Variants in NPAS2 observed in about 807,000 individuals in gnomAD.
NPAS2 encodes neuronal PAS domain-containing protein 2.
NPAS2 carries 23 observed loss-of-function variants against 107.5 expected under a neutral mutation model. The observed-to-expected ratio is 0.21, with a 90% CI of 0.15 to 0.30. NPAS2 has a LOEUF of 0.30. Ranked by LOEUF, NPAS2 falls within the 10% of genes least tolerant of loss-of-function variation. The probability of loss-of-function intolerance (pLI) is 1.00; values close to 1 mark genes in which losing one functional copy is unlikely to be tolerated. For synonymous variants in NPAS2, 403 were observed against 417.5 expected (o/e 0.97, Z 0.42); for missense variants, 756 against 1,043.3 (o/e 0.72, Z 3.79).
At chr2:100,875,844 C>T (rs189210940) in intron 1 of NPAS2, among the ~76,000 whole-genome samples, 46 of 151,538 alleles carry the variant, frequency 3.0e-4, no homozygotes, top group South Asian at 2.3e-3. Flanking sequence ...AAAGGGGAGA[C>T]GGATGAGGAA....
At chr2:100,864,452 A>T (rs1679131872) in intron 1 of NPAS2, among the ~76,000 whole-genome samples, 1 of 152,206 alleles carries the variant, frequency 6.6e-6, no homozygotes, top group South Asian at 2.1e-4. Flanking sequence ...TTCAGCATTA[A>T]GTTTCCATAC....
intron 1 of NPAS2, among the ~76,000 whole-genome samples, chr2:100,859,186 C>G (rs968696661): frequency 6.6e-6 from 1 of 152,172 alleles, no homozygotes; most frequent in Non-Finnish European, 1.5e-5. Flanking sequence ...TCGCCTGAAC[C>G]CGAGAGGCGG....
chr2:100,965,523 A>T lies in NPAS2; in HGVS notation c.801-137A>T, dbSNP rs1676163552. On this transcript the variant is annotated intron_variant, in intron 9 of 20. Coordinates refer to ENST00000335681, the MANE Select transcript of NPAS2 (RefSeq NM_002518.4). The surrounding 1 kb of genome is among the most constrained non-coding windows in gnomAD (Gnocchi z 4.3). Reference sequence around the variant, plus strand: ...AAACACAGCCTCTCTGATTTTGACCATTACAAAGTTATTTTTCTCCCCTTG... The same window carrying T: ...AAACACAGCCTCTCTGATTTTGACCTTTACAAAGTTATTTTTCTCCCCTTG... The T allele has an allele frequency of 4.2e-5, 25 of 592,928 alleles. No homozygotes were observed. The South Asian group carries it at 5.5e-4, about 13-fold the overall frequency. The allele number at this position is 592,928 out of a possible 1,614,324, so 36.7% of individuals were successfully genotyped here.
Position 100,968,172 on chromosome 2 carries a change from G to A in NPAS2, c.908-109G>A, listed in dbSNP as rs1676341185. On this transcript the variant is annotated intron_variant, in intron 10 of 20. Coordinates refer to ENST00000335681, the MANE Select transcript of NPAS2 (RefSeq NM_002518.4). This position sits in a 1 kb window ranked among gnomAD's most constrained non-coding sequence, Gnocchi z 5.3. Reference sequence around the variant, plus strand: ...CAGGGCAACCGGGGAAACAAGCCATGTTTGGTATTGTCTTTTTTTTTGAAA... The same window carrying A: ...CAGGGCAACCGGGGAAACAAGCCATATTTGGTATTGTCTTTTTTTTTGAAA... 1 of 1,190,470 alleles carries A rather than the reference G, an allele frequency of 8.4e-7. No homozygotes were observed. The highest frequency in any genetic ancestry group is 2.0e-5 in the Admixed American group (1 of 50,484). The allele number at this position is 1,190,470 out of a possible 1,614,324, so 73.7% of individuals were successfully genotyped here.
intron 1 of NPAS2, among the ~76,000 whole-genome samples, chr2:100,855,702 C>T (rs1449205050): frequency 6.6e-6 from 1 of 152,206 alleles, no homozygotes; most frequent in East Asian, 1.9e-4. Context: ...CAAGTTGTGA[C>T]AGCCCCTAGT....
Position 100,982,365 on chromosome 2 carries a change from C to G in NPAS2, c.1617C>G (p.Asp539Glu). The change falls in exon 16 of 21, where the codon GAC becomes GAG. Residue 539 changes from aspartate (D) to glutamate (E), a missense_variant. Coordinates refer to ENST00000335681, the MANE Select transcript of NPAS2 (RefSeq NM_002518.4). ...AGGAGCAGCTCTGCCTGGTCCAGGA[C>G]TCCAACGTCCAGGTGATCCCCTTCC... Reference protein sequence around the residue: ...KIQEQLCLVQDSNVQMFLQQP... With the variant: ...KIQEQLCLVQESNVQMFLQQP... The G allele has an allele frequency of 6.2e-7, 1 of 1,614,048 alleles. No individual in the cohort carries two copies. The highest frequency in any genetic ancestry group is 8.5e-7 in the Non-Finnish European group (1 of 1,180,028).
In NPAS2 at chr2:100,820,594, C is replaced by T. The variant is rs1334950998; in HGVS notation, c.-23+180C>T. On this transcript the variant is annotated intron_variant, in intron 1 of 20. Coordinates refer to ENST00000335681, the MANE Select transcript of NPAS2 (RefSeq NM_002518.4). This position sits in a 1 kb window ranked among gnomAD's most constrained non-coding sequence, Gnocchi z 5.6. ...GCGGGGGCGCGGAGAGGTGGGTTCCCCTCCACAGTCAGGCCGCTGGGGGCT... is the reference window on the plus strand; with the variant it reads ...GCGGGGGCGCGGAGAGGTGGGTTCCTCTCCACAGTCAGGCCGCTGGGGGCT... Among the ~76,000 whole-genome samples the T allele has an allele frequency of 6.6e-6, 1 of 152,026 alleles. No homozygotes were observed. Among genetic ancestry groups the T allele is most frequent in the African/African-American group, 2.4e-5 (1 of 41,444 alleles).
intron 2 of NPAS2, 50 bp downstream of exon 2, chr2:100,904,836 G>C (rs113711656): frequency 4.3e-6 from 6 of 1,405,094 alleles, no homozygotes; most frequent in Non-Finnish European, 6.0e-6. Flanking sequence ...GCCCCCGGGG[G>C]TCTGCCTGGC....
chr2:100,858,315 T>C (rs1403494975), intron 1 of NPAS2, among the ~76,000 whole-genome samples: 1 of 152,220 alleles, frequency 6.6e-6, no homozygotes, highest in Non-Finnish European at 1.5e-5. Context: ...GTGGTGATAA[T>C]GGTTAGACTG....
intron 7 of NPAS2, among the ~76,000 whole-genome samples, chr2:100,957,789 G>A (rs376618155): frequency 1.3e-5 from 2 of 152,312 alleles, no homozygotes; most frequent in South Asian, 2.1e-4. Flanking sequence ...TTAGCCGGGC[G>A]CGATGGCAGG....
intron 1 of NPAS2, among the ~76,000 whole-genome samples, chr2:100,832,136 T>C (rs1325406211): frequency 6.6e-6 from 1 of 152,156 alleles, no homozygotes; most frequent in Non-Finnish European, 1.5e-5. Context: ...CTGAATCCCC[T>C]GCACCTCATG....
rs182560298 is a variant in NPAS2 at position 100,836,038 on chromosome 2, C to T, written c.-23+15624C>T. On this transcript the variant is annotated intron_variant, in intron 1 of 20. Coordinates refer to ENST00000335681, the MANE Select transcript of NPAS2 (RefSeq NM_002518.4). ...TTCACTTAACTGATTAAGGGCAGTT[C>T]AGAGCATCCTAACCCCACTCCCGCC... Among the ~76,000 whole-genome samples the T allele has an allele frequency of 5.5e-3, 841 of 152,256 alleles. 7 individuals carry two copies. The highest frequency in any genetic ancestry group is 0.012 in the South Asian group (60 of 4,818).
rs760794820 is a variant in NPAS2, at chr2:100,993,385, C to G, written c.2150C>G (p.Ala717Gly). The G allele has an allele frequency of 1.2e-6, 2 of 1,608,576 alleles. No individual in the cohort carries two copies. The highest frequency in any genetic ancestry group is 1.7e-5 in the Admixed American group (1 of 59,614). ...CAGACCGTGTTTCAAAATCCAGACG[C>G]ACACCCCGCCAACAGCAGCAGCGCC... ...QSQTVFQNPD[A>G]HPANSSSAPM... The change falls in exon 20 of 21, where the codon GCA (alanine) becomes GGA (glycine). Residue 717 changes from alanine to glycine, a missense_variant. Coordinates refer to ENST00000335681, the MANE Select transcript of NPAS2 (RefSeq NM_002518.4).
intron 1 of NPAS2, among the ~76,000 whole-genome samples, chr2:100,827,615 A>G (rs1324399538): frequency 6.6e-6 from 1 of 152,168 alleles, no homozygotes; most frequent in Non-Finnish European, 1.5e-5. Flanking sequence ...TTTAGCTACC[A>G]CTTATAAGTG....
At chr2:100,928,081 C>T (rs1683697332) in intron 3 of NPAS2, among the ~76,000 whole-genome samples, 1 of 152,082 alleles carries the variant, frequency 6.6e-6, no homozygotes, top group African/African-American at 2.4e-5. Flanking sequence ...CATTATACTT[C>T]TTAGTCTTTT....
Position 100,968,397 on chromosome 2 carries a change from G to A in NPAS2, c.1024G>A (p.Glu342Lys). The change falls in exon 11 of 21, where the codon GAG (glutamate) becomes AAG (lysine). Residue 342 changes from glutamate to lysine, a missense_variant. By Grantham distance (56) the Glu-to-Lys change is moderately conservative. This residue lies in a region of NPAS2 where 84 missense variants were observed against 175.5 expected (regional missense o/e 0.48). Coordinates refer to ENST00000335681, the MANE Select transcript of NPAS2 (RefSeq NM_002518.4). The surrounding 1 kb of genome is among the most constrained non-coding windows in gnomAD (Gnocchi z 5.3). ...ITYHQWNSKP[E>K]FIVCTHSVVS... ...CTACCATCAGTGGAACTCCAAGCCCGAGTTCATCGTGTGCACACACTCGGT... is the reference window on the plus strand; with the variant it reads ...CTACCATCAGTGGAACTCCAAGCCCAAGTTCATCGTGTGCACACACTCGGT... 1 of 1,614,128 alleles carries A rather than the reference G, an allele frequency of 6.2e-7. No individual in the cohort carries two copies.
At chr2:100,916,549 C>T (rs1682891751) in intron 2 of NPAS2, among the ~76,000 whole-genome samples, 1 of 152,188 alleles carries the variant, frequency 6.6e-6, no homozygotes, top group Non-Finnish European at 1.5e-5. Flanking sequence ...TCACCAAGAA[C>T]AGATAATAGC....
At position 100,929,164 on chromosome 2, in the gene NPAS2, C is replaced by G. The variant is rs1397199576; in HGVS notation, c.182-3746C>G. 2.0e-5 allele frequency among the ~76,000 whole-genome samples: 3 copies of G among 152,224 alleles called. No individual in the cohort carries two copies. In the East Asian group the frequency reaches 5.8e-4, roughly 29 times the overall value. On this transcript the variant is annotated intron_variant, in intron 3 of 20. Coordinates refer to ENST00000335681, the MANE Select transcript of NPAS2 (RefSeq NM_002518.4). ...AAGTGATCTGCCCACCTTGGCCTCCCAAAGTGCTGGGATCACAGACGTGAG... is the reference window on the plus strand; with the variant it reads ...AAGTGATCTGCCCACCTTGGCCTCCGAAAGTGCTGGGATCACAGACGTGAG...
chr2:100,959,103 A>AAAAAAC (rs879527849), intron 7 of NPAS2, among the ~76,000 whole-genome samples: 8,825 of 66,742 alleles, frequency 0.13, 242 homozygotes, highest in South Asian at 0.33. Flanking sequence ...AAAAAAAAAA[A>AAAAAAC]AAAAAACAAA....
Sources: allele counts gnomAD v4.1 joint callset (sites outside exome capture counted in the v4.1 genomes callset), GRCh38; gene constraint gnomAD v4.1.1; regional missense constraint gnomAD v4.1.1; non-coding constraint Gnocchi (gnomAD v3.1); transcripts MANE v1.5; gene names NCBI Gene and HGNC (gene_info 2026-07-23, HGNC 2026-07-21).